Variants in SATB2 observed in about 807,000 individuals in gnomAD.
SATB2 encodes SATB homeobox 2.
SATB2 carries 1 observed loss-of-function variant against 73.4 expected under a neutral mutation model. The observed-to-expected ratio is 0.01, with a 90% CI of 0.00 to 0.06. The LOEUF is 0.06. Ranked by LOEUF, SATB2 falls within the 10% of genes least tolerant of loss-of-function variation. The probability of loss-of-function intolerance (pLI) is 1.00; values close to 1 mark genes in which losing one functional copy is unlikely to be tolerated. For missense variants in SATB2, 459 were observed against 945.8 expected (o/e 0.49, Z 6.75); for synonymous variants, 397 against 367.0 (o/e 1.08, Z -0.93).
intron 10 of SATB2, among the ~76,000 whole-genome samples, chr2:199,305,123 C>G (rs1006580272): frequency 1.3e-5 from 2 of 152,122 alleles, no homozygotes; most frequent in African/African-American, 2.4e-5. Context: ...GGTCAGGTGA[C>G]CTGACAGGAG....
At chr2:199,398,002 T>C (rs889129813) in intron 3 of SATB2, among the ~76,000 whole-genome samples, 34 of 152,344 alleles carry the variant, frequency 2.2e-4, no homozygotes, top group Admixed American at 3.3e-4. Context: ...TCATTTACCT[T>C]GTCAGGATGT....
rs549479136 is a variant in SATB2 at position 199,444,454 on chromosome 2, A to G, written c.170-10940T>C. On this transcript the variant is annotated intron_variant, in intron 2 of 10. Coordinates refer to ENST00000417098, the MANE Select transcript of SATB2 (RefSeq NM_001172509.2). ...AAATTGGGAGTAATTCCAAGTATTA[A>G]CACCTTAATCTCAAAAAGATTTCAT... Among the ~76,000 whole-genome samples the G allele has an allele frequency of 1.1e-4, 16 of 152,304 alleles. No individual in the cohort carries two copies. The South Asian group carries it at 3.3e-3, about 32-fold the overall frequency.
At chr2:199,458,801 C>A, upstream of SATB2, 1 of 354,250 alleles carries the variant, frequency 2.8e-6, no homozygotes, top group Admixed American at 3.3e-5. Context: ...CTCCGAGCAA[C>A]TTTTCCCGGT....
chr2:199,421,775 G>A (rs545720308), intron 3 of SATB2, among the ~76,000 whole-genome samples: 2 of 152,228 alleles, frequency 1.3e-5, no homozygotes, highest in Admixed American at 1.3e-4. Context: ...AAAAACAAAC[G>A]CTTAACTCCT....
In SATB2 at chr2:199,433,348, G is replaced by A; in HGVS notation, c.336C>T (p.Ala112=). The change falls in exon 3 of 11, where the codon GCC becomes GCT. Residue 112 remains alanine, a synonymous_variant. Coordinates refer to ENST00000417098, the MANE Select transcript of SATB2 (RefSeq NM_001172509.2). ...GAGAGGCATTAATACCTTGGGCCTGGGCCGCAGAGCTGTGAGAATACCCCA... is the reference window on the plus strand; with the variant it reads ...GAGAGGCATTAATACCTTGGGCCTGAGCCGCAGAGCTGTGAGAATACCCCA... ...LALGYSHSSA[A]QAQGIIKLGR... 2 of 1,613,804 alleles carry A rather than the reference G, an allele frequency of 1.2e-6. No individual in the cohort carries two copies. Among genetic ancestry groups the A allele is most frequent in the East Asian group, 2.2e-5 (1 of 44,882 alleles).
At chr2:199,454,828 A>C (rs2105955728) in intron 2 of SATB2, among the ~76,000 whole-genome samples, 1 of 152,344 alleles carries the variant, frequency 6.6e-6, no homozygotes, top group African/African-American at 2.4e-5. Flanking sequence ...CACACAATAG[A>C]CACTTACAAC....
At chr2:199,284,418 G>A (rs1170063845) in intron 10 of SATB2, among the ~76,000 whole-genome samples, 1 of 152,154 alleles carries the variant, frequency 6.6e-6, no homozygotes, top group Non-Finnish European at 1.5e-5. Context: ...ACTACCACTT[G>A]TAGAATGTTG....
intron 3 of SATB2, among the ~76,000 whole-genome samples, chr2:199,386,708 GCGCGCGCGCA>G (rs1559021724): frequency 0.048 from 2,182 of 45,656 alleles, 25 homozygotes; most frequent in East Asian, 0.12. Context: ...GCGCGCGCGC[GCGCGCGCGCA>G]CACACACACA....
intron 1 of SATB2, chr2:199,470,221 A>G (rs923266296): frequency 2.0e-5 from 3 of 152,148 alleles, no homozygotes; most frequent in African/African-American, 4.8e-5. Flanking sequence ...GAGCCCCATA[A>G]CGGAAAGGGC....
Position 199,323,930 on chromosome 2 carries a change from A to G in SATB2, c.1415T>C (p.Leu472Pro). 6.2e-7 allele frequency: 1 copy of G among 1,613,444 alleles called. No homozygotes were observed. Among genetic ancestry groups the G allele is most frequent in the Non-Finnish European group, 8.5e-7 (1 of 1,179,566 alleles). The stretch of plus-strand genomic sequence containing the variant: ...GTTGGCGCCGTCCACCTTAATAGGG[A>G]GGTCTGTTGTCGGTGTCGAGGTTTT... Reference protein sequence around the residue: ...QAKTSTPTTDLPIKVDGANIN... With the variant: ...QAKTSTPTTDPPIKVDGANIN... The change falls in exon 9 of 11, where the codon CTC becomes CCC. Residue 472 changes from leucine (L) to proline (P), a missense_variant. By Grantham distance (98) the Leu-to-Pro change is moderately conservative. Around this residue, in one of 13 missense-constraint regions of SATB2, gnomAD observed 53 missense variants for 70.5 expected, o/e 0.75. Coordinates refer to ENST00000417098, the MANE Select transcript of SATB2 (RefSeq NM_001172509.2).
rs1432890207 is a variant in SATB2, at chr2:199,323,908, G to T, written c.1437C>A (p.Ala479=). 6.2e-7 allele frequency: 1 copy of T among 1,613,324 alleles called. No homozygotes were observed. The change falls in exon 9 of 11, where the codon GCC becomes GCA. Residue 479 remains alanine (A), a synonymous_variant. Coordinates refer to ENST00000417098, the MANE Select transcript of SATB2 (RefSeq NM_001172509.2). ...TTDLPIKVDG[A]NINITAAIYD... is the part of the protein sequence containing the mutation. ...AAATGGCAGCTGTGATGTTGATGTT[G>T]GCGCCGTCCACCTTAATAGGGAGGT...
intron 3 of SATB2, among the ~76,000 whole-genome samples, chr2:199,402,719 A>G (rs1482593624): frequency 6.6e-6 from 1 of 152,220 alleles, no homozygotes; most frequent in East Asian, 1.9e-4. Context: ...TTATTCTTTA[A>G]TACTAAACAT....
intron 10 of SATB2, among the ~76,000 whole-genome samples, chr2:199,296,354 G>A (rs967304493): frequency 1.3e-5 from 2 of 152,080 alleles, no homozygotes; most frequent in Non-Finnish European, 2.9e-5. Flanking sequence ...TAGATAAAAG[G>A]GGTCTCTGCA....
At chr2:199,356,679 T>C (rs1262182165) in intron 6 of SATB2, among the ~76,000 whole-genome samples, 1 of 152,196 alleles carries the variant, frequency 6.6e-6, no homozygotes, top group Non-Finnish European at 1.5e-5. Context: ...ACATGGCTAC[T>C]TTTTCCTCTT....
chr2:199,401,682 C>A (rs1053276089), intron 3 of SATB2, among the ~76,000 whole-genome samples: 4 of 151,840 alleles, frequency 2.6e-5, no homozygotes, highest in Non-Finnish European at 1.5e-5. Flanking sequence ...GGGTGCTAGG[C>A]AGAAATATGG....
At chr2:199,420,757 T>C (rs1691140545) in intron 3 of SATB2, among the ~76,000 whole-genome samples, 1 of 152,154 alleles carries the variant, frequency 6.6e-6, no homozygotes, top group Non-Finnish European at 1.5e-5. Flanking sequence ...TTTTAATATC[T>C]AGTGGGGGTC....
intron 6 of SATB2, among the ~76,000 whole-genome samples, chr2:199,364,361 T>C (rs1163888158): frequency 1.3e-5 from 2 of 152,194 alleles, no homozygotes; most frequent in Non-Finnish European, 2.9e-5. Context: ...CCTGCTGGCC[T>C]GGACGTTTGA....
At chr2:199,295,246 A>C (rs1041989919) in intron 10 of SATB2, among the ~76,000 whole-genome samples, 2 of 152,226 alleles carry the variant, frequency 1.3e-5, no homozygotes, top group Non-Finnish European at 2.9e-5. Flanking sequence ...CTGTATTACC[A>C]ATCAGACAAT....
rs752249214 is a variant in SATB2 at position 199,348,761 on chromosome 2, C to T, written c.1113G>A (p.Glu371=). 1 of 1,599,280 alleles carries T rather than the reference C, an allele frequency of 6.3e-7. No homozygotes were observed. The highest frequency in any genetic ancestry group is 2.2e-5 in the East Asian group (1 of 44,728). Residue 371 remains glutamate, a synonymous_variant, in exon 7 of 11, where the codon GAG becomes GAA. Coordinates refer to ENST00000417098, the MANE Select transcript of SATB2 (RefSeq NM_001172509.2). ...SPDIYQQVRD[E]LKRASVSQAV... ...CTTGGGACACACTGGCCCTCTTCAGCTCATCTCTGACTTGCTGGTAGATAT... is the reference window on the plus strand; with the variant it reads ...CTTGGGACACACTGGCCCTCTTCAGTTCATCTCTGACTTGCTGGTAGATAT...
Sources: gnomAD v4.1 joint callset for allele counts (sites outside exome capture counted in the v4.1 genomes callset) on GRCh38, gnomAD v4.1.1 for gene constraint, gnomAD v4.1.1 regional missense constraint, MANE v1.5 for transcripts, NCBI Gene and HGNC (gene_info 2026-07-23, HGNC 2026-07-21) for gene names.